Variants in EPHA5 observed in about 807,000 individuals in gnomAD.
The protein encoded by EPHA5 is ephrin type-A receptor 5.
Under a neutral mutation model 105.0 loss-of-function variants are expected in EPHA5, and 60 were observed. The ratio of observed to expected loss-of-function variants is 0.57; its 90% CI spans 0.46 to 0.71. The LOEUF is 0.71. EPHA5 is among the 30% of genes least tolerant of loss of function. The pLI is 0.00. For missense variants in EPHA5, 1,218 were observed against 1,274.7 expected (o/e 0.96, Z 0.68); for synonymous variants, 513 against 449.1 (o/e 1.14, Z -1.80).
At chr4:65,593,769 C>G (rs1742908357) in intron 3 of EPHA5, among the ~76,000 whole-genome samples, 1 of 152,184 alleles carries the variant, frequency 6.6e-6, no homozygotes, top group Admixed American at 6.5e-5. Flanking sequence ...TGAGCTGAGG[C>G]CGGCATCACT....
At chr4:65,666,775 ATAT>A (rs1750002907) in intron 1 of EPHA5, among the ~76,000 whole-genome samples, 2 of 152,306 alleles carry the variant, frequency 1.3e-5, no homozygotes, top group Admixed American at 1.3e-4. Flanking sequence ...GCTATCCAAC[ATAT>A]TCAAACATGC....
At chr4:65,561,078 G>A (rs961322417) in intron 3 of EPHA5, among the ~76,000 whole-genome samples, 8 of 151,670 alleles carry the variant, frequency 5.3e-5, no homozygotes, top group Admixed American at 5.3e-4. Flanking sequence ...ATTAAGTATA[G>A]GAATTCATAC....
intron 3 of EPHA5, among the ~76,000 whole-genome samples, chr4:65,600,948 A>C (rs1743659296): frequency 6.8e-6 from 1 of 147,270 alleles, no homozygotes; most frequent in African/African-American, 2.4e-5. Context: ...TCAATTTAAA[A>C]GAAAAATAAA....
At chr4:65,483,103 A>G (rs1314103376) in intron 5 of EPHA5, among the ~76,000 whole-genome samples, 1 of 152,102 alleles carries the variant, frequency 6.6e-6, no homozygotes, top group Non-Finnish European at 1.5e-5. Context: ...GAGTGAGAAC[A>G]TGTGGTGTTT....
chr4:65,332,224 G>C, intron 15 of EPHA5, 96 bp from the exon 16 acceptor site: 1 of 993,980 alleles, frequency 1.0e-6, no homozygotes, highest in Non-Finnish European at 1.4e-6. Context: ...GGATCTTTGA[G>C]TCTGTAAGTA....
chr4:65,574,369 A>AT, intron 3 of EPHA5: 4 of 902,824 alleles, frequency 4.4e-6, no homozygotes, highest in Non-Finnish European at 6.0e-6. Context: ...TACAAAAAAA[A>AT]AATAATAATA....
At chr4:65,665,914 G>A (rs1307953277) in intron 1 of EPHA5, among the ~76,000 whole-genome samples, 1 of 152,098 alleles carries the variant, frequency 6.6e-6, no homozygotes, top group Non-Finnish European at 1.5e-5. Context: ...TAATGTCCTG[G>A]TGAGGAAATG....
intron 8 of EPHA5, among the ~76,000 whole-genome samples, chr4:65,404,083 G>T (rs1722116359): frequency 6.6e-6 from 1 of 152,064 alleles, no homozygotes; most frequent in South Asian, 2.1e-4. Context: ...AAAATTTTCA[G>T]ATTAAAAAAT....
intron 5 of EPHA5, among the ~76,000 whole-genome samples, chr4:65,445,492 G>A (rs1578133824): frequency 6.6e-6 from 1 of 152,210 alleles, no homozygotes; most frequent in East Asian, 1.9e-4. Context: ...TGGTCATATA[G>A]TTTCGTAGTA....
chr4:65,623,864 G>T (rs940059260), intron 2 of EPHA5, among the ~76,000 whole-genome samples: 84 of 152,110 alleles, frequency 5.5e-4, no homozygotes, highest in African/African-American at 2.0e-3. Flanking sequence ...TGCAAATAAA[G>T]GAATTAAATG....
intron 3 of EPHA5, chr4:65,573,657 G>T (rs1349408606): frequency 5.6e-6 from 9 of 1,601,524 alleles, no homozygotes; most frequent in Non-Finnish European, 7.6e-6. Context: ...TTCCAGAAAG[G>T]CCATGTACAA....
chr4:65,642,536 T>C lies in EPHA5; in HGVS notation c.246+827A>G, dbSNP rs184277701. On this transcript the variant is annotated intron_variant, in intron 2 of 16. Coordinates refer to ENST00000613740, the MANE Select transcript of EPHA5 (RefSeq NM_001281766.3). ...AAGTACATCTGTAACTTTTAACAAC[T>C]AAAAAGAAATACCAAATTGATGAAA... 3.3e-5 allele frequency among the ~76,000 whole-genome samples: 5 copies of C among 152,048 alleles called. No homozygotes were observed. In the East Asian group the frequency reaches 9.6e-4, roughly 29 times the overall value.
chr4:65,438,185 A>G (rs1392084242), intron 5 of EPHA5, among the ~76,000 whole-genome samples: 1 of 151,972 alleles, frequency 6.6e-6, no homozygotes, highest in Non-Finnish European at 1.5e-5. Context: ...CTATTGATTT[A>G]TCTATAAACT....
At chr4:65,624,817 G>A (rs1745994263) in intron 2 of EPHA5, among the ~76,000 whole-genome samples, 1 of 152,114 alleles carries the variant, frequency 6.6e-6, no homozygotes, top group South Asian at 2.1e-4. Context: ...CTATGACTGT[G>A]TACAAGTCAT....
At chr4:65,668,755 C>G (rs945831349) in intron 1 of EPHA5, among the ~76,000 whole-genome samples, 2 of 152,064 alleles carry the variant, frequency 1.3e-5, no homozygotes, top group Non-Finnish European at 2.9e-5. Context: ...ACTGGGTACT[C>G]CTGGATCAGG....
At chr4:65,506,048 T>G (rs923323246) in intron 3 of EPHA5, among the ~76,000 whole-genome samples, 1 of 152,148 alleles carries the variant, frequency 6.6e-6, no homozygotes, top group Non-Finnish European at 1.5e-5. Context: ...CCCCTTCCTG[T>G]GTCCATGTGT....
intron 6 of EPHA5, among the ~76,000 whole-genome samples, chr4:65,416,293 G>C (rs554887577): frequency 6.6e-6 from 1 of 152,122 alleles, no homozygotes; most frequent in South Asian, 2.1e-4. Context: ...AAGTAGATGA[G>C]AAAATGTGGG....
rs1560758617 is a variant in EPHA5, at chr4:65,602,160, T to G, written c.391A>C (p.Lys131Gln). The G allele has an allele frequency of 6.2e-7, 1 of 1,614,120 alleles. No individual in the cohort carries two copies. Among genetic ancestry groups the G allele is most frequent in the Admixed American group, 1.7e-5 (1 of 60,016 alleles). ...EGASRIFIEL[K>Q]FTLRDCNSLP... ...CTGTTGCAGTCCCGCAGGGTAAATT[T>G]GAGTTCTATGAAGATTCTGGAAGCA... The change falls in exon 3 of 17, where the codon AAA becomes CAA. Residue 131 changes from lysine (K) to glutamine (Q), a missense_variant. By Grantham distance (53) the Lys-to-Gln change is moderately conservative. Around this residue, in one of 3 missense-constraint regions of EPHA5, gnomAD observed 233 missense variants for 227.5 expected, o/e 1.02. Coordinates refer to ENST00000613740, the MANE Select transcript of EPHA5 (RefSeq NM_001281766.3).
chr4:65,526,942 C>T (rs1205960728), intron 3 of EPHA5, among the ~76,000 whole-genome samples: 1 of 151,930 alleles, frequency 6.6e-6, no homozygotes, highest in East Asian at 1.9e-4. Flanking sequence ...TCTAATGCTA[C>T]TAAACATAAA....
Sources: allele counts gnomAD v4.1 joint callset (sites outside exome capture counted in the v4.1 genomes callset), GRCh38; gene constraint gnomAD v4.1.1; regional missense constraint gnomAD v4.1.1; transcripts MANE v1.5; gene names NCBI Gene and HGNC (gene_info 2026-07-23, HGNC 2026-07-21).